The following MTA3 variants were observed in gnomAD, a reference collection of about 807,000 sequenced individuals.
The protein encoded by MTA3 is metastasis associated 1 family member 3, also known as metastasis-associated protein MTA3.
In MTA3, 34 loss-of-function variants were observed where a neutral mutation model predicts 83.5. The ratio of observed to expected loss-of-function variants is 0.41; its 90% confidence interval spans 0.31 to 0.54. The LOEUF (loss-of-function observed/expected upper bound fraction) is 0.54, where lower values mean the gene tolerates loss of function less well. Among genes scored for constraint, MTA3 ranks in the 20% least tolerant of loss-of-function variants. The pLI is 0.33. For missense variants in MTA3, 761 were observed against 726.4 expected (o/e 1.05, Z -0.55); for synonymous variants, 303 against 252.7 (o/e 1.20, Z -1.89).
At chr2:42,651,007 TA>T (rs1294246460) in intron 6 of MTA3, among the ~76,000 whole-genome samples, 1 of 152,178 alleles carries the variant, frequency 6.6e-6, no homozygotes, top group Non-Finnish European at 1.5e-5. Context: ...TGCAGCTTAC[TA>T]AACACCCAGG....
chr2:42,679,671 T>A (rs959277463), intron 8 of MTA3, among the ~76,000 whole-genome samples: 1 of 152,230 alleles, frequency 6.6e-6, no homozygotes, highest in South Asian at 2.1e-4. Flanking sequence ...ACAGGAAATA[T>A]AAACAACAGT....
intron 16 of MTA3, among the ~76,000 whole-genome samples, chr2:42,740,806 T>G (rs1028711649): frequency 3.9e-5 from 6 of 152,252 alleles, no homozygotes; most frequent in Non-Finnish European, 7.3e-5. Flanking sequence ...CAGAATAGAT[T>G]AAGCATAATT....
chr2:42,720,155 CTTTATTTATTTA>C (rs71410129), intron 15 of MTA3, among the ~76,000 whole-genome samples: 2 of 147,488 alleles, frequency 1.4e-5, no homozygotes, highest in Non-Finnish European at 3.0e-5. Flanking sequence ...TTATTCCTTG[CTTTATTTATTTA>C]TTTATTTATT....
Position 42,682,481 on chromosome 2 carries a change from T to C in MTA3, c.783T>C (p.Pro261=). 6.2e-7 allele frequency: 1 copy of C among 1,612,436 alleles called. No homozygotes were observed. Among genetic ancestry groups the C allele is most frequent in the African/African-American group, 1.3e-5 (1 of 75,044 alleles). The part of the protein sequence containing the change: ...AISVLVPLGG[P]VLCRDEMEEW... ...GTGTCTTAGTACCACTCGGAGGACCTGTTTTATGCAGAGATGAAATGGAGG... is the reference window on the plus strand; with the variant it reads ...GTGTCTTAGTACCACTCGGAGGACCCGTTTTATGCAGAGATGAAATGGAGG... The change falls in exon 9 of 17, where the codon CCT becomes CCC. Residue 261 remains proline (P), a synonymous_variant. Transcript: ENST00000405094.
chr2:42,592,594 A>G (rs1353506097), intron 3 of MTA3, among the ~76,000 whole-genome samples: 1 of 152,096 alleles, frequency 6.6e-6, no homozygotes, highest in East Asian at 1.9e-4. Context: ...AAAAAAATTC[A>G]TTTTCACTTT....
chr2:42,513,472 G>A (rs1298066588), intron 2 of MTA3, among the ~76,000 whole-genome samples: 2 of 152,178 alleles, frequency 1.3e-5, no homozygotes, highest in Admixed American at 6.6e-5. Context: ...CAGGAAAAGG[G>A]ATAGACTCCA....
In MTA3 at chr2:42,614,642, T is replaced by C. The variant is rs186523991; in HGVS notation, c.317+5058T>C. 1.1e-4 allele frequency among the ~76,000 whole-genome samples: 17 copies of C among 151,678 alleles called. No homozygotes were observed. The East Asian group carries it at 3.3e-3, about 29-fold the overall frequency. ...TATATTAATATATAACCCAGTCTTA[T>C]ATATAACTCGTGTAATATAGTGAAT... On this transcript the variant is annotated intron_variant, in intron 4 of 16. Coordinates refer to ENST00000405094, the MANE Select transcript of MTA3 (RefSeq NM_001330442.2).
chr2:42,549,694 TAC>T (rs1677027138), intron 2 of MTA3, among the ~76,000 whole-genome samples: 1 of 83,936 alleles, frequency 1.2e-5, no homozygotes, highest in Non-Finnish European at 2.3e-5. Flanking sequence ...ATATTATATA[TAC>T]ATATTATATA....
At chr2:42,696,645 C>T (rs1319023011) in intron 10 of MTA3, among the ~76,000 whole-genome samples, 1 of 152,134 alleles carries the variant, frequency 6.6e-6, no homozygotes, top group African/African-American at 2.4e-5. Flanking sequence ...GTGGTGTGCA[C>T]CTATATTCCC....
chr2:42,590,152 T>C (rs140789081), intron 3 of MTA3, among the ~76,000 whole-genome samples: 20 of 152,308 alleles, frequency 1.3e-4, no homozygotes, highest in African/African-American at 4.8e-4. Flanking sequence ...TTGGGTACAC[T>C]ATAGCCCTTT....
intron 16 of MTA3, among the ~76,000 whole-genome samples, chr2:42,728,833 A>T (rs1393115297): frequency 6.6e-6 from 1 of 152,004 alleles, no homozygotes; most frequent in Non-Finnish European, 1.5e-5. Flanking sequence ...GAGTTGTTTG[A>T]GCTCCGTATA....
upstream of MTA3, among the ~76,000 whole-genome samples, chr2:42,565,530 G>A (rs935711876): frequency 5.3e-5 from 8 of 152,088 alleles, no homozygotes; most frequent in African/African-American, 1.9e-4. Context: ...TACCTTGTAT[G>A]TGGTTCTTTA....
At chr2:42,525,057 A>G (rs752874564) in intron 2 of MTA3, among the ~76,000 whole-genome samples, 17 of 150,624 alleles carry the variant, frequency 1.1e-4, no homozygotes, top group Admixed American at 6.0e-4. Flanking sequence ...TGCTGCACCC[A>G]TTAACTCATC....
At chr2:42,525,936 A>C (rs1675690818) in intron 2 of MTA3, among the ~76,000 whole-genome samples, 1 of 151,674 alleles carries the variant, frequency 6.6e-6, no homozygotes, top group African/African-American at 2.4e-5. Flanking sequence ...CTAGGATTAC[A>C]GGCATGAGCC....
chr2:42,503,373 C>T (rs1239320798), intron 2 of MTA3, among the ~76,000 whole-genome samples: 1 of 152,186 alleles, frequency 6.6e-6, no homozygotes, highest in Non-Finnish European at 1.5e-5. Context: ...AGCTTCTTTA[C>T]TGCAAGCTGT....
chr2:42,666,049 G>A (rs1374558572), intron 8 of MTA3, among the ~76,000 whole-genome samples: 1 of 152,148 alleles, frequency 6.6e-6, no homozygotes, highest in Non-Finnish European at 1.5e-5. Flanking sequence ...AGGCTGAGGT[G>A]GGTGGATCAC....
chr2:42,753,482 C>T lies in MTA3; in HGVS notation c.*83C>T. 6.5e-7 allele frequency: 1 copy of T among 1,547,634 alleles called. No homozygotes were observed. The highest frequency in any genetic ancestry group is 8.7e-7 in the Non-Finnish European group (1 of 1,145,300). On this transcript the variant is annotated 3_prime_UTR_variant, in exon 17 of 17. Transcript: ENST00000405094. ...CAGCCGTGCCTGGGAAGAAGGCAGC[C>T]CCACTCCCAGTACATTTCAGTGGGA... is the stretch of plus-strand genomic sequence containing the variant.
At chr2:42,683,863 C>T (rs1478599938) in intron 9 of MTA3, among the ~76,000 whole-genome samples, 1 of 152,140 alleles carries the variant, frequency 6.6e-6, no homozygotes, top group Admixed American at 6.5e-5. Context: ...CAGCCCAGTT[C>T]CTAACCAGTC....
intron 3 of MTA3, among the ~76,000 whole-genome samples, chr2:42,594,726 A>ATTTTTTTT (rs1303482913): frequency 3.4e-4 from 10 of 29,364 alleles, no homozygotes; most frequent in African/African-American, 1.3e-3. Context: ...ATATATATAT[A>ATTTTTTTT]TATTTTTTTT....
Sources: gnomAD v4.1 joint callset for allele counts (sites outside exome capture counted in the v4.1 genomes callset) on GRCh38, gnomAD v4.1.1 for gene constraint, MANE v1.5 for transcripts, NCBI Gene and HGNC (gene_info 2026-07-23, HGNC 2026-07-21) for gene names.